The following PLAUR variants were observed in gnomAD, a reference collection of about 807,000 sequenced individuals.
PLAUR encodes the protein urokinase plasminogen activator surface receptor.
Under a neutral mutation model 33.4 loss-of-function variants are expected in PLAUR, and 22 were observed. The ratio of observed to expected loss-of-function variants is 0.66; its 90% CI spans 0.47 to 0.94. The LOEUF (loss-of-function observed/expected upper bound fraction) is 0.94. PLAUR is among the 40% of genes least tolerant of loss of function. The pLI is 0.00. For synonymous variants in PLAUR, 148 were observed against 167.3 expected (o/e 0.88, Z 0.89); for missense variants, 408 against 434.7 (o/e 0.94, Z 0.55).
intron 1 of PLAUR, 147 bp from the exon 2 acceptor site, chr19:43,667,838 C>T: frequency 6.9e-7 from 1 of 1,457,738 alleles, no homozygotes; most frequent in Non-Finnish European, 9.1e-7. Flanking sequence ...TTCCGGCCGG[C>T]GGTACTTCCA....
chr19:43,664,874 C>T (rs1422740316), intron 3 of PLAUR, among the ~76,000 whole-genome samples: 2 of 152,140 alleles, frequency 1.3e-5, no homozygotes, highest in Admixed American at 6.5e-5. Context: ...CTCATGCATG[C>T]GTGTGAGCTT....
Position 43,648,833 on chromosome 19 carries a change from A to T in PLAUR, c.*57T>A. Reference sequence around the variant, plus strand: ...AGCAAGTCTGTAGGGCTGGGAGCCGAGGGAAGGGCAAAGGGGTCCCCCGGA... The same window carrying T: ...AGCAAGTCTGTAGGGCTGGGAGCCGTGGGAAGGGCAAAGGGGTCCCCCGGA... On this transcript the variant is annotated 3_prime_UTR_variant, in exon 7 of 7. Transcript: ENST00000340093. 2 of 1,554,656 alleles carry T rather than the reference A, an allele frequency of 1.3e-6. No homozygotes were observed. The highest frequency in any genetic ancestry group is 2.3e-4 in the Middle Eastern group (1 of 4,406).
chr19:43,658,948 C>A (rs1414239370), intron 3 of PLAUR, among the ~76,000 whole-genome samples: 1 of 152,114 alleles, frequency 6.6e-6, no homozygotes, highest in African/African-American at 2.4e-5. Context: ...CTTTCTCTAA[C>A]TCCTATTCAT....
At chr19:43,669,758 G>A (rs1037898818) in intron 1 of PLAUR, among the ~76,000 whole-genome samples, 2 of 140,622 alleles carry the variant, frequency 1.4e-5, no homozygotes, top group African/African-American at 2.7e-5. Context: ...GTTGCAGTGA[G>A]CCGAGATCGC....
At chr19:43,653,710 C>T (rs1340663216) in intron 5 of PLAUR, among the ~76,000 whole-genome samples, 3 of 152,086 alleles carry the variant, frequency 2.0e-5, no homozygotes, top group Non-Finnish European at 2.9e-5. Context: ...CCAGGTGCAG[C>T]GGCTCATGCC....
At position 43,652,283 on chromosome 19, in the gene PLAUR, A is replaced by C; in HGVS notation, c.696T>G (p.Thr232=). 6.2e-7 allele frequency: 1 copy of C among 1,614,140 alleles called. No individual in the cohort carries two copies. Among genetic ancestry groups the C allele is most frequent in the Non-Finnish European group, 8.5e-7 (1 of 1,179,988 alleles). Residue 232 remains threonine (T), a synonymous_variant, in exon 6 of 7, where the codon ACT becomes ACG. Transcript: ENST00000340093. The part of the protein sequence containing the change: ...NSTHGCSSEE[T]FLIDCRGPMN... ...TGGGGCCTCGGCAGTCAATGAGGAA[A>C]GTCTCTTCAGAGGAGCATCCATGGG...
In PLAUR at chr19:43,655,471, C is replaced by T; in HGVS notation, c.575G>A (p.Cys192Tyr). Residue 192 changes from cysteine (C) to tyrosine (Y), a missense_variant, in exon 5 of 7, where the codon TGC (cysteine) becomes TAC (tyrosine). Transcript: ENST00000340093. ...CTCGTTGCATTTGGTGGTGTTGCAGCATTTCAGGAAGTGGAAGGTGTCGTT... is the reference window on the plus strand; with the variant it reads ...CTCGTTGCATTTGGTGGTGTTGCAGTATTTCAGGAAGTGGAAGGTGTCGTT... The part of the protein sequence containing the change: ...HNNDTFHFLK[C>Y]CNTTKCNEGP... 6.2e-7 allele frequency: 1 copy of T among 1,614,170 alleles called. No homozygotes were observed. The highest frequency in any genetic ancestry group is 8.5e-7 in the Non-Finnish European group (1 of 1,180,030).
chr19:43,657,670 G>A (rs925017451), intron 3 of PLAUR, among the ~76,000 whole-genome samples: 1 of 152,202 alleles, frequency 6.6e-6, no homozygotes, highest in Non-Finnish European at 1.5e-5. Context: ...TCTGGTGACA[G>A]GTATGTCTCC....
chr19:43,649,221 C>T, intron 6 of PLAUR, 78 bp from the exon 7 acceptor site: 2 of 1,515,140 alleles, frequency 1.3e-6, no homozygotes, highest in South Asian at 2.4e-5. Flanking sequence ...GACCTGCCAC[C>T]TTGCAGTGGG....
rs765950592 is a variant in PLAUR at position 43,656,563 on chromosome 19, C to T, written c.388G>A (p.Gly130Ser). Residue 130 changes from glycine to serine, a missense_variant, in exon 4 of 7, where the codon GGC becomes AGC. Gly to Ser is a moderately conservative substitution (Grantham distance 56). Coordinates refer to ENST00000340093, the MANE Select transcript of PLAUR (RefSeq NM_002659.4). Reference protein sequence around the residue: ...CGSSDMSCERGRHQSLQCRSP... With the variant: ...CGSSDMSCERSRHQSLQCRSP... The stretch of plus-strand genomic sequence containing the variant: ...CGGCACTGCAGGCTCTGGTGCCGGC[C>T]CCTCTCACAGCTCATGTCTGATGAG... 6.2e-7 allele frequency: 1 copy of T among 1,613,268 alleles called. No individual in the cohort carries two copies. Among genetic ancestry groups the T allele is most frequent in the Non-Finnish European group, 8.5e-7 (1 of 1,179,500 alleles).
At chr19:43,651,647 G>A in intron 6 of PLAUR, 1 of 209,782 alleles carries the variant, frequency 4.8e-6, no homozygotes, top group Non-Finnish European at 8.3e-6. Flanking sequence ...TGGTGGCCAG[G>A]CTTGCTCTCA....
At chr19:43,666,429 C>T (rs76647309) in intron 2 of PLAUR, among the ~76,000 whole-genome samples, 2 of 152,144 alleles carry the variant, frequency 1.3e-5, no homozygotes, top group African/African-American at 4.8e-5. Flanking sequence ...GACTTGCTGA[C>T]TGACATAAAG....
chr19:43,661,389 CTTTCTTT>C (rs1317571152), intron 3 of PLAUR: 15 of 102,092 alleles, frequency 1.5e-4, no homozygotes, highest in African/African-American at 4.9e-4. Flanking sequence ...TTTCTCCTTT[CTTTCTTT>C]TTTCTTTTTT....
At chr19:43,654,741 C>T (rs1974133514) in intron 5 of PLAUR, among the ~76,000 whole-genome samples, 2 of 151,670 alleles carry the variant, frequency 1.3e-5, no homozygotes, top group Admixed American at 6.6e-5. Flanking sequence ...CCCCCCCATA[C>T]CCCCCAAAAA....
At chr19:43,655,394 G>A (rs1974165056) in intron 5 of PLAUR, 45 bp downstream of exon 5, 1 of 1,599,516 alleles carries the variant, frequency 6.3e-7, no homozygotes. Flanking sequence ...CTGAGTGCAT[G>A]CCCCTGCCCG....
chr19:43,667,545 G>T (rs771180744), intron 2 of PLAUR, 36 bp downstream of exon 2: 13 of 1,407,364 alleles, frequency 9.2e-6, no homozygotes, highest in Middle Eastern at 1.9e-4. Context: ...GTTCCATGCT[G>T]CGCTGGAGGG....
At chr19:43,663,300 T>TAC (rs59542257) in intron 3 of PLAUR, among the ~76,000 whole-genome samples, 6,370 of 131,708 alleles carry the variant, frequency 0.048, 180 homozygotes, top group Middle Eastern at 0.061. Flanking sequence ...CTGTCACCCC[T>TAC]ACACACACAC....
chr19:43,663,497 T>A (rs1466025220), intron 3 of PLAUR, among the ~76,000 whole-genome samples: 1 of 151,828 alleles, frequency 6.6e-6, no homozygotes, highest in Admixed American at 6.6e-5. Context: ...GAAATGGGGA[T>A]GAGGCCGGGC....
Position 43,652,374 on chromosome 19 carries a change from TAGG to T in PLAUR, c.608-6_608-4del, listed in dbSNP as rs1379472578. 2 of 1,613,666 alleles carry T rather than the reference TAGG, an allele frequency of 1.2e-6. No homozygotes were observed. The highest frequency in any genetic ancestry group is 1.3e-5 in the African/African-American group (1 of 74,896). On this transcript the variant is annotated splice_polypyrimidine_tract_variant and splice_region_variant and intron_variant, in intron 5 of 6. Transcript: ENST00000340093. ...CGGCAGATTTTCAAGCTCCAGGACT[TAGG>T]AGAAGACCAGAGACACAGAGACCAA...
Sources: gnomAD v4.1 joint callset for allele counts (sites outside exome capture counted in the v4.1 genomes callset) on GRCh38, gnomAD v4.1.1 for gene constraint, MANE v1.5 for transcripts, NCBI Gene and HGNC (gene_info 2026-07-23, HGNC 2026-07-21) for gene names.